DEPDC5: variants seen among roughly 807,000 people sequenced by gnomAD.
The protein encoded by DEPDC5 is GATOR1 complex protein DEPDC5.
DEPDC5 carries 73 observed loss-of-function variants against 217.3 expected under a neutral mutation model. That is an observed-to-expected ratio of 0.34 (90% CI 0.28 to 0.41). The LOEUF (loss-of-function observed/expected upper bound fraction) is 0.41. DEPDC5 is among the 10% of genes least tolerant of loss of function. DEPDC5 has a pLI of 1.00. For missense variants in DEPDC5, 1,675 were observed against 2,070.1 expected, an observed-to-expected ratio of 0.81 and a Z score of 3.70; for synonymous variants, 733 against 756.7, an observed-to-expected ratio of 0.97 and a Z score of 0.51.
chr22:31,765,074 T>G lies in DEPDC5; in HGVS notation c.279+14T>G. ...GTAGACCCTAAGGTATGTCTTTGTTTTGTACTTGAATATCTTTTTGGAATA... is the reference window on the plus strand; with the variant it reads ...GTAGACCCTAAGGTATGTCTTTGTTGTGTACTTGAATATCTTTTTGGAATA... On this transcript the variant is annotated intron_variant, in intron 5 of 42. Coordinates refer to ENST00000651528, the MANE Select transcript of DEPDC5 (RefSeq NM_001242896.3). 1.9e-6 allele frequency: 3 copies of G among 1,603,738 alleles called. 1 individual carries two copies. The East Asian group carries it at 6.7e-5, about 36-fold the overall frequency.
At chr22:31,779,196 C>T (rs2084176247) in intron 8 of DEPDC5, among the ~76,000 whole-genome samples, 1 of 152,276 alleles carries the variant, frequency 6.6e-6, no homozygotes. Flanking sequence ...GGTTGAGACC[C>T]AGTGTATCCT....
intron 24 of DEPDC5, among the ~76,000 whole-genome samples, chr22:31,830,266 A>C (rs868227991): frequency 6.6e-6 from 1 of 152,246 alleles, no homozygotes; most frequent in East Asian, 1.9e-4. Context: ...CACAATTCTG[A>C]ACAGATGTCA....
At chr22:31,813,417 A>G (rs2088671452) in intron 20 of DEPDC5, among the ~76,000 whole-genome samples, 1 of 152,186 alleles carries the variant, frequency 6.6e-6, no homozygotes, top group Non-Finnish European at 1.5e-5. Context: ...CTAAGCGTAT[A>G]CTGGTGTTTA....
chr22:31,757,840 T>C (rs1382978812), intron 2 of DEPDC5, among the ~76,000 whole-genome samples: 1 of 152,188 alleles, frequency 6.6e-6, no homozygotes, highest in Non-Finnish European at 1.5e-5. Flanking sequence ...TTCGGCTCAC[T>C]GTAACCTCTG....
intron 25 of DEPDC5, among the ~76,000 whole-genome samples, chr22:31,835,811 GCAGGCTAAAT>G (rs2090951188): frequency 6.6e-6 from 1 of 151,990 alleles, no homozygotes; most frequent in Non-Finnish European, 1.5e-5. Context: ...TAGATCTGTT[GCAGGCTAAAT>G]CATCTTCCCC....
chr22:31,760,050 C>T (rs1216152886), intron 3 of DEPDC5, among the ~76,000 whole-genome samples: 2 of 148,376 alleles, frequency 1.3e-5, no homozygotes, highest in Admixed American at 6.8e-5. Flanking sequence ...TCCTTTAGTG[C>T]GTATGGAGTT....
Position 31,897,472 on chromosome 22 carries a change from T to C in DEPDC5, c.4204-10T>C. Reference sequence around the variant, plus strand: ...GAGATGATATTGTTTGTTTCTGTACTTTCCGCCAGGTCCAAGGTTGGCATC... The same window carrying C: ...GAGATGATATTGTTTGTTTCTGTACCTTCCGCCAGGTCCAAGGTTGGCATC... On this transcript the variant is annotated splice_polypyrimidine_tract_variant and intron_variant, in intron 39 of 42. Transcript: ENST00000651528. 3.1e-6 allele frequency: 5 copies of C among 1,607,616 alleles called. No individual in the cohort carries two copies. The highest frequency in any genetic ancestry group is 3.4e-6 in the Non-Finnish European group (4 of 1,176,110).
At chr22:31,836,116 G>A (rs1352468961) in intron 25 of DEPDC5, among the ~76,000 whole-genome samples, 4 of 152,208 alleles carry the variant, frequency 2.6e-5, no homozygotes, top group Non-Finnish European at 5.9e-5. Flanking sequence ...GCTCAACCAG[G>A]GAGGATTTTC....
intron 17 of DEPDC5, chr22:31,805,172 C>A (rs1224106110): frequency 3.6e-6 from 1 of 278,350 alleles, no homozygotes; most frequent in African/African-American, 2.2e-5. Context: ...CCTTCTATTC[C>A]CAACTCCCAC....
At chr22:31,836,724 A>G (rs551279162) in intron 25 of DEPDC5, 2 of 484,174 alleles carry the variant, frequency 4.1e-6, no homozygotes, top group East Asian at 3.5e-5. Flanking sequence ...GCAGAAAATG[A>G]AAAATATCAG....
At chr22:31,828,502 A>C (rs1184200795) in intron 24 of DEPDC5, among the ~76,000 whole-genome samples, 1 of 151,634 alleles carries the variant, frequency 6.6e-6, no homozygotes, top group African/African-American at 2.4e-5. Context: ...TAGATAGTTG[A>C]ATGAATGCTA....
intron 16 of DEPDC5, 144 bp downstream of exon 16, chr22:31,804,367 G>T: frequency 1.3e-6 from 1 of 767,348 alleles, no homozygotes; most frequent in Non-Finnish European, 2.2e-6. Flanking sequence ...AGGAGTTTCG[G>T]TATAGTTTGC....
At position 31,822,696 on chromosome 22, in the gene DEPDC5, C is replaced by T. The variant is rs752274547; in HGVS notation, c.2010C>T (p.His670=). Residue 670 remains histidine, a synonymous_variant, in exon 24 of 43, where the codon CAC becomes CAT. Transcript: ENST00000651528. The part of the protein sequence containing the change: ...ELAYHEAAGR[H]SNSRQPGDGM... The stretch of plus-strand genomic sequence containing the variant: ...GGCTGGGCTCTGTTCTCTGCAGGCA[C>T]AGCAATTCCCGCCAGCCTGGTGACG... The T allele has an allele frequency of 6.2e-7, 1 of 1,613,924 alleles. No homozygotes were observed. The highest frequency in any genetic ancestry group is 8.5e-7 in the Non-Finnish European group (1 of 1,179,964).
intron 12 of DEPDC5, among the ~76,000 whole-genome samples, chr22:31,794,504 T>A (rs2086023949): frequency 1.3e-5 from 2 of 152,186 alleles, no homozygotes; most frequent in African/African-American, 4.8e-5. Flanking sequence ...TTTATGTCAT[T>A]AAAAAGTCAT....
chr22:31,900,543 A>C (rs2093630704), intron 40 of DEPDC5, among the ~76,000 whole-genome samples: 1 of 151,402 alleles, frequency 6.6e-6, no homozygotes, highest in Admixed American at 6.6e-5. Context: ...GTTCAAGACC[A>C]GCCTGGCCAA....
intron 37 of DEPDC5, 120 bp from the exon 38 acceptor site, chr22:31,879,405 C>A: frequency 1.1e-6 from 1 of 875,808 alleles, no homozygotes; most frequent in Non-Finnish European, 1.8e-6. Context: ...CAGTATGTGG[C>A]CTTGTGTGTC....
intron 9 of DEPDC5, 74 bp downstream of exon 9, chr22:31,784,059 GC>G: frequency 8.1e-7 from 1 of 1,231,426 alleles, no homozygotes; most frequent in Non-Finnish European, 1.2e-6. Flanking sequence ...ATTCATGAAT[GC>G]CCAGGGTCCC....
intron 41 of DEPDC5, among the ~76,000 whole-genome samples, chr22:31,902,977 C>A (rs2093676890): frequency 6.6e-6 from 1 of 151,966 alleles, no homozygotes; most frequent in South Asian, 2.1e-4. Flanking sequence ...ACTGCATCCT[C>A]CTCCTGATCC....
intron 2 of DEPDC5, among the ~76,000 whole-genome samples, chr22:31,756,558 A>G (rs2081956419): frequency 6.6e-6 from 1 of 152,228 alleles, no homozygotes; most frequent in Non-Finnish European, 1.5e-5. Context: ...ATACAAATAC[A>G]TGTTTTTATG....
Sources: allele counts gnomAD v4.1 joint callset (sites outside exome capture counted in the v4.1 genomes callset), GRCh38; gene constraint gnomAD v4.1.1; transcripts MANE v1.5; gene names NCBI Gene and HGNC (gene_info 2026-07-23, HGNC 2026-07-21).